The following RAB39A variants were observed in gnomAD, a reference collection of about 807,000 sequenced individuals.
RAB39A encodes RAB39A, member RAS oncogene family.
A neutral mutation model predicts 20.9 loss-of-function variants in RAB39A; 17 were observed. The observed-to-expected ratio is 0.81, with a 90% confidence interval of 0.56 to 1.22. RAB39A has a LOEUF of 1.22. Among genes scored for constraint, RAB39A ranks in the 50% most tolerant of loss-of-function variants. The pLI is 0.00. For missense variants in RAB39A, 234 were observed against 270.5 expected, an observed-to-expected ratio of 0.87 and a Z score of 0.95; for synonymous variants, 99 against 103.4, an observed-to-expected ratio of 0.96 and a Z score of 0.26.
chr11:107,933,376 TC>T (rs1861159409), intron 1 of RAB39A, among the ~76,000 whole-genome samples: 2 of 82,980 alleles, frequency 2.4e-5, no homozygotes, highest in African/African-American at 8.6e-5. Context: ...TTTTATTCTT[TC>T]TTTTTTTTTT....
intron 1 of RAB39A, among the ~76,000 whole-genome samples, chr11:107,950,174 C>T (rs374321637): frequency 1.8e-3 from 264 of 143,040 alleles, no homozygotes; most frequent in African/African-American, 6.3e-3. Context: ...AGTGAGACTC[C>T]GTCTCAAAAA....
intron 1 of RAB39A, among the ~76,000 whole-genome samples, chr11:107,931,574 G>GA (rs1861137544): frequency 6.6e-6 from 1 of 152,048 alleles, no homozygotes; most frequent in Admixed American, 6.6e-5. Context: ...CTTTCATCAA[G>GA]AAATTACAGA....
chr11:107,962,141 A>G lies in RAB39A; in HGVS notation c.423A>G (p.Glu141=), dbSNP rs1259426758. Reference sequence around the variant, plus strand: ...CACAACGTCAAGTTACAAGGGAAGAAGCTGAAAAACTGTCAGCAGACTGTG... The same window carrying G: ...CACAACGTCAAGTTACAAGGGAAGAGGCTGAAAAACTGTCAGCAGACTGTG... ...LASQRQVTRE[E]AEKLSADCGM... Residue 141 remains glutamate, a synonymous_variant, in exon 2 of 2, where the codon GAA becomes GAG. Transcript: ENST00000320578. 1.9e-6 allele frequency: 3 copies of G among 1,614,194 alleles called. No individual in the cohort carries two copies. In the South Asian group the frequency reaches 3.3e-5, roughly 18 times the overall value.
chr11:107,929,655 C>T (rs574393233), intron 1 of RAB39A, among the ~76,000 whole-genome samples: 6 of 152,088 alleles, frequency 3.9e-5, no homozygotes, highest in Non-Finnish European at 4.4e-5. Flanking sequence ...AGGAGGGATC[C>T]AAATGAATAG....
At position 107,928,855 on chromosome 11, in the gene RAB39A, T is replaced by A; in HGVS notation, c.227+60T>A. 7.5e-7 allele frequency: 1 copy of A among 1,335,852 alleles called. No individual in the cohort carries two copies. The highest frequency in any genetic ancestry group is 1.0e-6 in the Non-Finnish European group (1 of 994,408). 82.7% of individuals were successfully genotyped at this position (1,335,852 alleles called of 1,614,324 possible). On this transcript the variant is annotated intron_variant, in intron 1 of 1. Transcript: ENST00000320578. This position sits in a 1 kb window ranked among gnomAD's most constrained non-coding sequence, Gnocchi z 4.9. Reference sequence around the variant, plus strand: ...CCCCTCAGCCCGCCCGGACGCCCCTTCCCCAGGCGTCCGCCCCGCCGGCCC... The same window carrying A: ...CCCCTCAGCCCGCCCGGACGCCCCTACCCCAGGCGTCCGCCCCGCCGGCCC...
intron 1 of RAB39A, among the ~76,000 whole-genome samples, chr11:107,929,783 G>A (rs1175765731): frequency 6.6e-6 from 1 of 152,178 alleles, no homozygotes; most frequent in Non-Finnish European, 1.5e-5. Flanking sequence ...CAGGTTTAAA[G>A]CAAATTTTAA....
At chr11:107,932,702 T>C (rs1861150001) in intron 1 of RAB39A, among the ~76,000 whole-genome samples, 1 of 152,182 alleles carries the variant, frequency 6.6e-6, no homozygotes, top group Non-Finnish European at 1.5e-5. Flanking sequence ...TAATCACTTT[T>C]TTATAAATTT....
At chr11:107,956,701 G>T (rs993707778) in intron 1 of RAB39A, among the ~76,000 whole-genome samples, 1 of 152,180 alleles carries the variant, frequency 6.6e-6, no homozygotes, top group East Asian at 1.9e-4. Context: ...GCCCACTTGG[G>T]ATTGGTTATA....
At chr11:107,942,485 C>G (rs1861270010) in intron 1 of RAB39A, among the ~76,000 whole-genome samples, 1 of 152,022 alleles carries the variant, frequency 6.6e-6, no homozygotes, top group South Asian at 2.1e-4. Flanking sequence ...GCCTGGAACT[C>G]CTGGGCTAAT....
chr11:107,942,098 CAAAAAA>C (rs10537482), intron 1 of RAB39A, among the ~76,000 whole-genome samples: 3 of 83,762 alleles, frequency 3.6e-5, no homozygotes, highest in African/African-American at 5.0e-5. Flanking sequence ...GATTCCATCT[CAAAAAA>C]AAAAAAAAAA....
chr11:107,953,833 A>G (rs1284577825), intron 1 of RAB39A, among the ~76,000 whole-genome samples: 2 of 152,194 alleles, frequency 1.3e-5, no homozygotes, highest in African/African-American at 2.4e-5. Context: ...CTAAAATCTT[A>G]CAAGGTGTCA....
At chr11:107,950,698 A>G (rs1027605283) in intron 1 of RAB39A, among the ~76,000 whole-genome samples, 7 of 151,684 alleles carry the variant, frequency 4.6e-5, no homozygotes, top group Admixed American at 6.6e-5. Flanking sequence ...CCTGGGAGGT[A>G]AAGGTTGCAG....
At chr11:107,945,783 T>C (rs1861301605) in intron 1 of RAB39A, among the ~76,000 whole-genome samples, 1 of 152,066 alleles carries the variant, frequency 6.6e-6, no homozygotes, top group Non-Finnish European at 1.5e-5. Flanking sequence ...GGCAAAAAAC[T>C]GGAAACTTAT....
In RAB39A at chr11:107,946,396, ATG is replaced by A. The variant is rs71047654; in HGVS notation, c.228-15510_228-15509del. 3.0e-3 allele frequency among the ~76,000 whole-genome samples: 112 copies of A among 37,624 alleles called. 3 individuals carry two copies. The highest frequency in any genetic ancestry group is 0.012 in the African/African-American group (97 of 8,242). The allele number at this position is 37,624 out of a possible 152,430, so 24.7% of individuals were successfully genotyped here. On this transcript the variant is annotated intron_variant, in intron 1 of 1. Coordinates refer to ENST00000320578, the MANE Select transcript of RAB39A (RefSeq NM_017516.3). ...CACACATATATATGTGGGTGTATAT[ATG>A]TGTGTGTGTGTGTGTGTGTGTGTGT...
chr11:107,936,425 C>G (rs1299375714), intron 1 of RAB39A, among the ~76,000 whole-genome samples: 1 of 92,166 alleles, frequency 1.1e-5, no homozygotes, highest in Non-Finnish European at 3.1e-5. Flanking sequence ...CTTATCTTCT[C>G]TTCTCCCACT....
Position 107,928,493 on chromosome 11 carries a change from T to C in RAB39A, c.-76T>C. ...AGGCGGCGGGCGGGCGCCCGCGAGG[T>C]GCTGAAAGGACAGTTCCCGCCGCCG... On this transcript the variant is annotated 5_prime_UTR_variant, in exon 1 of 2. Coordinates refer to ENST00000320578, the MANE Select transcript of RAB39A (RefSeq NM_017516.3). This position sits in a 1 kb window ranked among gnomAD's most constrained non-coding sequence, Gnocchi z 4.9. The C allele has an allele frequency of 8.7e-7, 1 of 1,147,116 alleles. No homozygotes were observed. The highest frequency in any genetic ancestry group is 2.6e-5 in the South Asian group (1 of 38,378). 71.1% of individuals were successfully genotyped at this position (1,147,116 alleles called of 1,614,324 possible).
intron 1 of RAB39A, among the ~76,000 whole-genome samples, chr11:107,961,056 C>T (rs1439801959): frequency 6.6e-6 from 1 of 152,192 alleles, no homozygotes; most frequent in Non-Finnish European, 1.5e-5. Flanking sequence ...CAGGTCCATA[C>T]AGTCTCCTGT....
At chr11:107,961,806 A>C in intron 1 of RAB39A, 140 bp from the exon 2 acceptor site, 3 of 722,886 alleles carry the variant, frequency 4.2e-6, no homozygotes, top group South Asian at 2.2e-5. Flanking sequence ...TGTTCACTTG[A>C]GATACCTCAT....
chr11:107,948,386 C>T (rs1411442474), intron 1 of RAB39A, among the ~76,000 whole-genome samples: 1 of 152,042 alleles, frequency 6.6e-6, no homozygotes, highest in African/African-American at 2.4e-5. Flanking sequence ...TTATATTTCC[C>T]TTCCCTATTG....
Sources: allele counts gnomAD v4.1 joint callset (sites outside exome capture counted in the v4.1 genomes callset), GRCh38; gene constraint gnomAD v4.1.1; non-coding constraint Gnocchi (gnomAD v3.1); transcripts MANE v1.5; gene names NCBI Gene and HGNC (gene_info 2026-07-23, HGNC 2026-07-21).